The following LHFPL6 variants were observed in gnomAD, a reference collection of about 807,000 sequenced individuals.
LHFPL6 encodes the protein LHFPL tetraspan subfamily member 6.
In LHFPL6, 9 loss-of-function variants were observed where a neutral mutation model predicts 20.6. That is an observed-to-expected ratio of 0.44 (90% CI 0.26 to 0.76). The LOEUF is 0.76. Ranked by LOEUF, LHFPL6 falls within the 30% of genes least tolerant of loss-of-function variation. The pLI is 0.20. For synonymous variants in LHFPL6, 105 were observed against 98.7 expected (o/e 1.06, Z -0.38); for missense variants, 218 against 253.5 (o/e 0.86, Z 0.95).
intron 2 of LHFPL6, among the ~76,000 whole-genome samples, chr13:39,444,661 A>C (rs900792789): frequency 3.9e-5 from 6 of 152,202 alleles, no homozygotes; most frequent in African/African-American, 1.2e-4. Flanking sequence ...ACAAGCTATA[A>C]ATCTTGATAA....
At chr13:39,364,064 T>A (rs1869948813) in intron 3 of LHFPL6, among the ~76,000 whole-genome samples, 1 of 152,204 alleles carries the variant, frequency 6.6e-6, no homozygotes, top group Admixed American at 6.5e-5. Context: ...ACACATGCGA[T>A]CCATCATTGA....
intron 2 of LHFPL6, among the ~76,000 whole-genome samples, chr13:39,577,597 T>C (rs893423108): frequency 1.3e-5 from 2 of 152,116 alleles, no homozygotes; most frequent in African/African-American, 4.8e-5. Context: ...ACACAACATC[T>C]GCATTAATTG....
chr13:39,502,485 T>C (rs940566867), intron 2 of LHFPL6, among the ~76,000 whole-genome samples: 24 of 147,638 alleles, frequency 1.6e-4, no homozygotes, highest in Non-Finnish European at 3.1e-4. Flanking sequence ...AAAATAGGCA[T>C]GGTGGCGCGC....
intron 2 of LHFPL6, among the ~76,000 whole-genome samples, chr13:39,422,302 C>G (rs1157598420): frequency 6.6e-6 from 1 of 152,012 alleles, no homozygotes; most frequent in Non-Finnish European, 1.5e-5. Flanking sequence ...CAGTTAACGT[C>G]AAGAAGAAAA....
rs543602967 is a variant in LHFPL6, at chr13:39,474,053, A to G, written c.386-95527T>C. 9.8e-5 allele frequency among the ~76,000 whole-genome samples: 15 copies of G among 152,344 alleles called. No homozygotes were observed. The South Asian group carries it at 1.7e-3, about 17-fold the overall frequency. On this transcript the variant is annotated intron_variant, in intron 2 of 3. Transcript: ENST00000379589. ...CAATACAGTCATTGATTCGAGGCCA[A>G]TGCTGGGTGGTTTATCTTCCTAAAT...
At chr13:39,448,561 T>G (rs1029111895) in intron 2 of LHFPL6, among the ~76,000 whole-genome samples, 6 of 152,234 alleles carry the variant, frequency 3.9e-5, no homozygotes, top group African/African-American at 9.6e-5. Flanking sequence ...ATGTACAACT[T>G]AACGTACAAA....
At chr13:39,584,144 T>C (rs1872372737) in intron 2 of LHFPL6, among the ~76,000 whole-genome samples, 1 of 152,232 alleles carries the variant, frequency 6.6e-6, no homozygotes, top group Non-Finnish European at 1.5e-5. Flanking sequence ...TAGATTTAGA[T>C]TATTAGTAGG....
At chr13:39,582,963 T>C (rs920038902) in intron 2 of LHFPL6, among the ~76,000 whole-genome samples, 22 of 152,288 alleles carry the variant, frequency 1.4e-4, no homozygotes, top group African/African-American at 5.3e-4. Flanking sequence ...GGCCATATTA[T>C]ATTAAGTCTC....
intron 2 of LHFPL6, among the ~76,000 whole-genome samples, chr13:39,563,528 G>A (rs1453905834): frequency 1.3e-5 from 2 of 152,182 alleles, no homozygotes; most frequent in African/African-American, 4.8e-5. Context: ...AATATTCTTA[G>A]AGGGTAAAAG....
At position 39,552,090 on chromosome 13, in the gene LHFPL6, T is replaced by A. The variant is rs534138022; in HGVS notation, c.385+48742A>T. Among the ~76,000 whole-genome samples the A allele has an allele frequency of 9.4e-4, 143 of 152,288 alleles. 3 individuals are homozygous for A. The highest frequency in any genetic ancestry group is 1.2e-3 in the Non-Finnish European group (81 of 68,024). ...AGAAAATAATCATGAGAACATAAAA[T>A]CTAACAAATCAGCACCCTCTGTGCC... On this transcript the variant is annotated intron_variant, in intron 2 of 3. Transcript: ENST00000379589.
chr13:39,467,161 G>A (rs7322023), intron 2 of LHFPL6, among the ~76,000 whole-genome samples: 1 of 151,796 alleles, frequency 6.6e-6, no homozygotes, highest in Non-Finnish European at 1.5e-5. Flanking sequence ...CTTAACTGCC[G>A]TTATTCATCT....
intron 3 of LHFPL6, among the ~76,000 whole-genome samples, chr13:39,376,610 T>C (rs1391086945): frequency 6.6e-6 from 1 of 152,230 alleles, no homozygotes; most frequent in Non-Finnish European, 1.5e-5. Flanking sequence ...TTTAATACTT[T>C]TTTTCTGTCC....
At chr13:39,413,853 C>A (rs955534494) in intron 2 of LHFPL6, among the ~76,000 whole-genome samples, 1 of 152,144 alleles carries the variant, frequency 6.6e-6, no homozygotes, top group African/African-American at 2.4e-5. Flanking sequence ...CAAGGGTTAT[C>A]CTACCTCCTG....
intron 2 of LHFPL6, among the ~76,000 whole-genome samples, chr13:39,568,880 C>T (rs934673942): frequency 3.3e-5 from 5 of 152,146 alleles, no homozygotes; most frequent in African/African-American, 1.2e-4. Context: ...GTTCAGGATT[C>T]GACAAACACA....
intron 2 of LHFPL6, among the ~76,000 whole-genome samples, chr13:39,499,017 C>T (rs191597638): frequency 5.3e-5 from 8 of 152,264 alleles, no homozygotes; most frequent in South Asian, 2.1e-4. Flanking sequence ...CGCACCACCA[C>T]GTCCGGCTAA....
chr13:39,345,512 CAAAAAAAAAAA>C (rs71077225), intron 3 of LHFPL6, among the ~76,000 whole-genome samples: 6,558 of 43,630 alleles, frequency 0.15, 453 homozygotes, highest in Admixed American at 0.34. Flanking sequence ...GACTCCATCT[CAAAAAAAAAAA>C]AAAAAAAAAA....
intron 3 of LHFPL6, among the ~76,000 whole-genome samples, chr13:39,348,834 C>T (rs1199038340): frequency 6.6e-6 from 1 of 152,152 alleles, no homozygotes; most frequent in Admixed American, 6.5e-5. Context: ...TAGGGCAAAT[C>T]CTTGTCTTGC....
chr13:39,385,295 A>G (rs1372979040), intron 2 of LHFPL6, among the ~76,000 whole-genome samples: 2 of 152,238 alleles, frequency 1.3e-5, no homozygotes, highest in Non-Finnish European at 2.9e-5. Context: ...TGACTACTAC[A>G]CCATTTCCTC....
intron 3 of LHFPL6, among the ~76,000 whole-genome samples, chr13:39,346,732 A>G (rs558420848): frequency 6.6e-6 from 1 of 152,230 alleles, no homozygotes; most frequent in East Asian, 1.9e-4. Context: ...TTAAAAATCA[A>G]TCAGATCAAG....
Sources: allele counts gnomAD v4.1 joint callset (sites outside exome capture counted in the v4.1 genomes callset), GRCh38; gene constraint gnomAD v4.1.1; transcripts MANE v1.5; gene names NCBI Gene and HGNC (gene_info 2026-07-23, HGNC 2026-07-21).